The following CLPB variants were observed in gnomAD, a reference collection of about 807,000 sequenced individuals.
CLPB encodes the protein mitochondrial disaggregase.
In CLPB, 40 loss-of-function variants were observed where a neutral mutation model predicts 78.4. The ratio of observed to expected loss-of-function variants is 0.51; its 90% CI spans 0.40 to 0.66. The LOEUF (loss-of-function observed/expected upper bound fraction) is 0.66, where lower values mean the gene tolerates loss of function less well. CLPB is among the 30% of genes least tolerant of loss of function. CLPB has a pLI of 0.00. For missense variants in CLPB, 780 were observed against 886.9 expected (o/e 0.88, Z 1.53); for synonymous variants, 333 against 348.0 (o/e 0.96, Z 0.48).
intron 4 of CLPB, among the ~76,000 whole-genome samples, chr11:72,360,923 CATA>C (rs1264661730): frequency 2.0e-5 from 3 of 152,182 alleles, no homozygotes; most frequent in Admixed American, 2.0e-4. Context: ...TCTCACATAT[CATA>C]ATGTCACCCT....
intron 4 of CLPB, among the ~76,000 whole-genome samples, chr11:72,367,703 C>T (rs1950970577): frequency 6.6e-6 from 1 of 151,916 alleles, no homozygotes; most frequent in South Asian, 2.1e-4. Context: ...CACACCCCAG[C>T]ATCATGCAAT....
In CLPB at chr11:72,293,184, G is replaced by T; in HGVS notation, c.*183C>A. 1.4e-6 allele frequency: 1 copy of T among 706,850 alleles called. No individual in the cohort carries two copies. Among genetic ancestry groups the T allele is most frequent in the Non-Finnish European group, 2.3e-6 (1 of 433,618 alleles). 43.8% of individuals were successfully genotyped at this position (706,850 alleles called of 1,614,324 possible). On this transcript the variant is annotated 3_prime_UTR_variant, in exon 16 of 16. Coordinates refer to ENST00000538039, the MANE Select transcript of CLPB (RefSeq NM_001258392.3). ...GGCCCACAACAAAGGGGCCAGAGTA[G>T]GGCGAAATTCCTCCTTCAGGTTTTG...
chr11:72,302,674 C>A, intron 9 of CLPB: 1 of 333,570 alleles, frequency 3.0e-6, no homozygotes, highest in South Asian at 2.9e-5. Context: ...TCCACGTTTC[C>A]TGAGGGCATC....
chr11:72,413,565 T>C lies in CLPB; in HGVS notation c.456-10513A>G, dbSNP rs1469016904. Among the ~76,000 whole-genome samples, 4 of 152,288 alleles carry C rather than the reference T, an allele frequency of 2.6e-5. No homozygotes were observed. The East Asian group carries it at 7.7e-4, about 29-fold the overall frequency. ...AAATTCAGAACATTTAACATTGATA[T>C]ACTATTTTTATCTGATATACAGCCC... is the stretch of plus-strand genomic sequence containing the variant. On this transcript the variant is annotated intron_variant, in intron 2 of 15. Transcript: ENST00000538039.
intron 3 of CLPB, among the ~76,000 whole-genome samples, chr11:72,388,233 G>T (rs369212802): frequency 8.6e-5 from 13 of 151,222 alleles, no homozygotes; most frequent in African/African-American, 2.4e-4. Flanking sequence ...TGAAACCTCA[G>T]AGAAGATTCC....
chr11:72,334,365 A>G (rs1294627650), intron 5 of CLPB, among the ~76,000 whole-genome samples: 1 of 152,122 alleles, frequency 6.6e-6, no homozygotes, highest in Admixed American at 6.5e-5. Flanking sequence ...ATTCACGGAG[A>G]AGGCTCCCCA....
chr11:72,323,341 G>A (rs965089376), intron 6 of CLPB, among the ~76,000 whole-genome samples: 3 of 152,070 alleles, frequency 2.0e-5, no homozygotes, highest in Non-Finnish European at 4.4e-5. Context: ...GGCCGAGGCG[G>A]GCAGATCATG....
chr11:72,329,671 A>G, intron 6 of CLPB, 36 bp downstream of exon 6: 2 of 1,376,066 alleles, frequency 1.5e-6, no homozygotes, highest in Non-Finnish European at 2.1e-6. Flanking sequence ...TGATGCATGG[A>G]GTACCCACAG....
rs1555107175 is a variant in CLPB at position 72,403,064 on chromosome 11, C to G, written c.456-12G>C. The G allele has an allele frequency of 1.2e-6, 2 of 1,611,698 alleles. No individual in the cohort carries two copies. The highest frequency in any genetic ancestry group is 1.1e-5 in the South Asian group (1 of 90,988). On this transcript the variant is annotated splice_polypyrimidine_tract_variant and intron_variant, in intron 2 of 15. Transcript: ENST00000538039. ...CTTCTGACAACAGCCTAAAACAAGA[C>G]AGAGGAATATTTTCAGTGTATGGCT...
At chr11:72,342,529 C>A (rs996036515) in intron 5 of CLPB, among the ~76,000 whole-genome samples, 3 of 152,116 alleles carry the variant, frequency 2.0e-5, no homozygotes, top group Non-Finnish European at 2.9e-5. Flanking sequence ...AAGAGGCCAG[C>A]CCTACTCCTC....
intron 6 of CLPB, 76 bp from the exon 7 acceptor site, chr11:72,317,296 G>A: frequency 8.9e-7 from 1 of 1,127,246 alleles, no homozygotes; most frequent in South Asian, 1.5e-5. Context: ...CCCCAACTCG[G>A]GGAAAACACA....
chr11:72,350,272 A>G (rs544644993), intron 5 of CLPB, among the ~76,000 whole-genome samples: 1 of 150,410 alleles, frequency 6.6e-6, no homozygotes, highest in South Asian at 2.1e-4. Context: ...AAATTGGACT[A>G]GACTGCTGGA....
At chr11:72,399,509 T>A (rs1411322382) in intron 3 of CLPB, among the ~76,000 whole-genome samples, 1 of 152,182 alleles carries the variant, frequency 6.6e-6, no homozygotes, top group Non-Finnish European at 1.5e-5. Context: ...TAAAGTGTAG[T>A]TCTATAGCAC....
chr11:72,377,540 C>T (rs774279777), intron 4 of CLPB, among the ~76,000 whole-genome samples: 2 of 151,992 alleles, frequency 1.3e-5, no homozygotes, highest in Non-Finnish European at 2.9e-5. Context: ...CTATCTCTCC[C>T]TATCTACCTA....
At chr11:72,418,192 A>T (rs1388526984) in intron 2 of CLPB, among the ~76,000 whole-genome samples, 1 of 152,128 alleles carries the variant, frequency 6.6e-6, no homozygotes. Flanking sequence ...TCAACCAATC[A>T]ATCAACGGGC....
intron 2 of CLPB, among the ~76,000 whole-genome samples, chr11:72,413,769 G>C (rs1189919781): frequency 1.3e-5 from 2 of 152,112 alleles, no homozygotes; most frequent in Non-Finnish European, 2.9e-5. Flanking sequence ...AGTAAGGCTA[G>C]TTTGTTTGTA....
chr11:72,324,785 C>T (rs1418910215), intron 6 of CLPB, among the ~76,000 whole-genome samples: 1 of 152,206 alleles, frequency 6.6e-6, no homozygotes, highest in Admixed American at 6.5e-5. Context: ...TCCTACCCTC[C>T]TGTGTGCTCC....
chr11:72,377,658 GGGAAGGGGAA>G (rs1361487956), intron 4 of CLPB, among the ~76,000 whole-genome samples: 1 of 146,930 alleles, frequency 6.8e-6, no homozygotes. Context: ...CAAAGGGGAA[GGGAAGGGGAA>G]GGGAAGGGGA....
Position 72,342,714 on chromosome 11 carries a change from G to A in CLPB, c.776-12910C>T, listed in dbSNP as rs75516818. Among the ~76,000 whole-genome samples the A allele has an allele frequency of 9.9e-3, 1,507 of 152,290 alleles. 25 individuals are homozygous for A. Among genetic ancestry groups the A allele is most frequent in the African/African-American group, 0.035 (1,452 of 41,554 alleles). On this transcript the variant is annotated intron_variant, in intron 5 of 15. Coordinates refer to ENST00000538039, the MANE Select transcript of CLPB (RefSeq NM_001258392.3). ...CTCTGCAGTCTTCCCTCCTGCAAAT[G>A]ACAGCTGAGACCAAAGCATCCGAGC...
Sources: gnomAD v4.1 joint callset for allele counts (sites outside exome capture counted in the v4.1 genomes callset) on GRCh38, gnomAD v4.1.1 for gene constraint, MANE v1.5 for transcripts, NCBI Gene and HGNC (gene_info 2026-07-23, HGNC 2026-07-21) for gene names.